The following ARMH1 variants were observed in gnomAD, a reference collection of about 807,000 sequenced individuals.
The protein encoded by ARMH1 is armadillo-like helical domain containing protein 1.
Under a neutral mutation model 50.2 loss-of-function variants are expected in ARMH1, and 34 were observed. The ratio of observed to expected loss-of-function variants is 0.68; its 90% CI spans 0.51 to 0.90. The LOEUF (loss-of-function observed/expected upper bound fraction) is 0.90. ARMH1 is among the 40% of genes least tolerant of loss of function. ARMH1 has a pLI of 0.00. For synonymous variants in ARMH1, 221 were observed against 224.2 expected (o/e 0.99, Z 0.13); for missense variants, 538 against 553.9 (o/e 0.97, Z 0.29).
intron 2 of ARMH1, among the ~76,000 whole-genome samples, chr1:44,693,601 A>G (rs1645730696): frequency 6.6e-6 from 1 of 152,052 alleles, no homozygotes; most frequent in Non-Finnish European, 1.5e-5. Context: ...GGCATGCACC[A>G]CCACATCCCC....
chr1:44,703,827 C>T (rs572113258), intron 5 of ARMH1, among the ~76,000 whole-genome samples: 4 of 150,732 alleles, frequency 2.7e-5, no homozygotes, highest in African/African-American at 9.7e-5. Flanking sequence ...CCCGGGTTCA[C>T]GCCATTCTCC....
intron 1 of ARMH1, among the ~76,000 whole-genome samples, chr1:44,686,815 C>T (rs1367992381): frequency 6.6e-6 from 1 of 152,050 alleles, no homozygotes; most frequent in Non-Finnish European, 1.5e-5. Context: ...GTGGCATGCG[C>T]CTGTAGCCCC....
At position 44,702,718 on chromosome 1, in the gene ARMH1, A is replaced by AAG. The variant is rs1465306817; in HGVS notation, c.640-1370_640-1369insGA. Among the ~76,000 whole-genome samples, 3 of 151,616 alleles carry AAG rather than the reference A, an allele frequency of 2.0e-5. No homozygotes were observed. The East Asian group carries it at 5.8e-4, about 29-fold the overall frequency. ...ACAGCGAGACTCCATCTCAAAAAAA[A>AAG]AAAAAAAAAAGAAAAGAAAAGAAAA... On this transcript the variant is annotated intron_variant, in intron 5 of 11. Transcript: ENST00000535358.
intron 6 of ARMH1, among the ~76,000 whole-genome samples, chr1:44,722,852 G>A (rs932589439): frequency 7.0e-6 from 1 of 143,092 alleles, no homozygotes; most frequent in Non-Finnish European, 1.5e-5. Context: ...GAGGTCAGAA[G>A]TTCAAGACCA....
chr1:44,687,761 A>G (rs1355500177), intron 1 of ARMH1, among the ~76,000 whole-genome samples: 4 of 152,316 alleles, frequency 2.6e-5, no homozygotes, highest in African/African-American at 9.6e-5. Context: ...TAAGATTTAC[A>G]GCTGCATCAC....
At chr1:44,718,384 CA>C (rs1434616552) in intron 6 of ARMH1, among the ~76,000 whole-genome samples, 1 of 152,186 alleles carries the variant, frequency 6.6e-6, no homozygotes, top group Non-Finnish European at 1.5e-5. Context: ...TGAGCTGCAC[CA>C]ATTCAAGAAG....
Position 44,697,042 on chromosome 1 carries a change from C to G in ARMH1, c.207-60C>G, listed in dbSNP as rs747218408. 22 of 1,309,566 alleles carry G rather than the reference C, an allele frequency of 1.7e-5. No individual in the cohort carries two copies. The South Asian group carries it at 2.5e-4, about 15-fold the overall frequency. 81.1% of individuals were successfully genotyped at this position (1,309,566 alleles called of 1,614,324 possible). On this transcript the variant is annotated intron_variant, in intron 2 of 11. Transcript: ENST00000535358. Reference sequence around the variant, plus strand: ...CCGGGGTGGTACCAGAGATCAGGCACGGGCTCTGGCTTCTGTGTGAAAAAC... The same window carrying G: ...CCGGGGTGGTACCAGAGATCAGGCAGGGGCTCTGGCTTCTGTGTGAAAAAC...
At chr1:44,706,245 A>G (rs1646336989) in intron 6 of ARMH1, among the ~76,000 whole-genome samples, 2 of 152,204 alleles carry the variant, frequency 1.3e-5, no homozygotes, top group Admixed American at 6.5e-5. Flanking sequence ...GGGTGGTTCA[A>G]ATGACAAAAT....
intron 6 of ARMH1, among the ~76,000 whole-genome samples, chr1:44,707,958 C>T (rs921774265): frequency 2.0e-5 from 3 of 151,968 alleles, no homozygotes; most frequent in Non-Finnish European, 4.4e-5. Context: ...AACAGGTGCG[C>T]ACAAAAAAAA....
chr1:44,713,180 C>G (rs1646695684), intron 6 of ARMH1, among the ~76,000 whole-genome samples: 1 of 147,820 alleles, frequency 6.8e-6, no homozygotes, highest in South Asian at 2.1e-4. Context: ...CTCACTGCAA[C>G]CTACACCTCC....
chr1:44,685,336 T>A (rs559109698), intron 1 of ARMH1, among the ~76,000 whole-genome samples: 2 of 147,504 alleles, frequency 1.4e-5, no homozygotes, highest in Non-Finnish European at 3.0e-5. Context: ...CGAGACAGGG[T>A]CTTGCTGTGT....
At position 44,679,586 on chromosome 1, in the gene ARMH1, C is replaced by T. The variant is rs950893952; in HGVS notation, c.-23+4713C>T. On this transcript the variant is annotated intron_variant, in intron 1 of 11. Transcript: ENST00000535358. The stretch of plus-strand genomic sequence containing the variant: ...TCACTCCAATTACAATTTAACTGAC[C>T]GTTCATGGCACTGAATCCCTGTCCT... Among the ~76,000 whole-genome samples, 10 of 152,196 alleles carry T rather than the reference C, an allele frequency of 6.6e-5. No individual in the cohort carries two copies. In the East Asian group the frequency reaches 9.6e-4, roughly 15 times the overall value.
intron 5 of ARMH1, among the ~76,000 whole-genome samples, 180 bp from the exon 6 acceptor site, chr1:44,703,909 G>A (rs1646214503): frequency 6.6e-6 from 1 of 151,284 alleles, no homozygotes; most frequent in African/African-American, 2.4e-5. Context: ...TGCATTTTTA[G>A]TAGAGACAGT....
Position 44,724,790 on chromosome 1 carries a change from C to T in ARMH1, c.1079C>T (p.Ala360Val), listed in dbSNP as rs764885693. The T allele has an allele frequency of 6.5e-6, 10 of 1,543,864 alleles. No homozygotes were observed. Among genetic ancestry groups the T allele is most frequent in the African/African-American group, 5.5e-5 (4 of 73,158 alleles). Reference protein sequence around the residue: ...ECFVQMFPLVAEHVRKCMGEE... With the variant: ...ECFVQMFPLVVEHVRKCMGEE... Reference sequence around the variant, plus strand: ...TTCGTGCAGATGTTCCCCTTGGTGGCGGAGCACGTGCGCAAGTGCATGGGG... The same window carrying T: ...TTCGTGCAGATGTTCCCCTTGGTGGTGGAGCACGTGCGCAAGTGCATGGGG... The change falls in exon 10 of 12, where the codon GCG (alanine) becomes GTG (valine). Residue 360 changes from alanine (A) to valine (V), a missense_variant. Coordinates refer to ENST00000535358, the MANE Select transcript of ARMH1 (RefSeq NM_001145636.2). This position sits in a 1 kb window ranked among gnomAD's most constrained non-coding sequence, Gnocchi z 6.4.
At chr1:44,706,645 G>A (rs1295466274) in intron 6 of ARMH1, among the ~76,000 whole-genome samples, 7 of 152,138 alleles carry the variant, frequency 4.6e-5, no homozygotes, top group East Asian at 1.9e-4. Context: ...CAACATTGTC[G>A]GTTTTGTATT....
chr1:44,705,905 TC>T (rs1646323588), intron 6 of ARMH1, among the ~76,000 whole-genome samples: 1 of 151,808 alleles, frequency 6.6e-6, no homozygotes, highest in South Asian at 2.1e-4. Flanking sequence ...GGAGAGGAGT[TC>T]GTTCTGGAAA....
chr1:44,689,957 C>A, intron 2 of ARMH1, 54 bp downstream of exon 2: 2 of 1,478,898 alleles, frequency 1.4e-6, no homozygotes, highest in Non-Finnish European at 1.8e-6. Context: ...CGGTGGCTCA[C>A]GCCTGTAATC....
At chr1:44,714,358 G>A (rs1258297026) in intron 6 of ARMH1, among the ~76,000 whole-genome samples, 2 of 151,704 alleles carry the variant, frequency 1.3e-5, no homozygotes, top group East Asian at 1.9e-4. Flanking sequence ...GGCCGAGGCC[G>A]GCAGATCACC....
In ARMH1 at chr1:44,682,550, T is replaced by C. The variant is rs1302376261; in HGVS notation, c.-22-7126T>C. ...TAGATGGAAATTCTTTGGCCTGAAA[T>C]GTTTGAAGCTTTATCCTCAGGTAGT... On this transcript the variant is annotated intron_variant, in intron 1 of 11. Coordinates refer to ENST00000535358, the MANE Select transcript of ARMH1 (RefSeq NM_001145636.2). The surrounding 1 kb of genome is among the most constrained non-coding windows in gnomAD (Gnocchi z 4.5). Among the ~76,000 whole-genome samples, 5 of 152,184 alleles carry C rather than the reference T, an allele frequency of 3.3e-5. No homozygotes were observed. Among genetic ancestry groups the C allele is most frequent in the African/African-American group, 7.2e-5 (3 of 41,442 alleles).
Sources: gnomAD v4.1 joint callset for allele counts (sites outside exome capture counted in the v4.1 genomes callset) on GRCh38, gnomAD v4.1.1 for gene constraint, Gnocchi (gnomAD v3.1) non-coding constraint, MANE v1.5 for transcripts, NCBI Gene and HGNC (gene_info 2026-07-23, HGNC 2026-07-21) for gene names.